Variants in ATP2C1 observed in about 807,000 individuals in gnomAD.
ATP2C1 encodes the protein calcium-transporting ATPase type 2C member 1.
Under a neutral mutation model 120.5 loss-of-function variants are expected in ATP2C1, and 31 were observed. The observed-to-expected ratio is 0.26, with a 90% CI of 0.19 to 0.35. The LOEUF is 0.35. Among genes scored for constraint, ATP2C1 ranks in the 10% least tolerant of loss-of-function variants. The probability of loss-of-function intolerance (pLI) is 1.00; values close to 1 mark genes in which losing one functional copy is unlikely to be tolerated. For missense variants in ATP2C1, 731 were observed against 1,107.5 expected, an observed-to-expected ratio of 0.66 and a Z score of 4.83; for synonymous variants, 351 against 358.7, an observed-to-expected ratio of 0.98 and a Z score of 0.24.
At chr3:130,972,695 A>G (rs536761457) in intron 17 of ATP2C1, among the ~76,000 whole-genome samples, 21 of 137,904 alleles carry the variant, frequency 1.5e-4, no homozygotes, top group African/African-American at 5.5e-4. Context: ...CTTCTCATCT[A>G]TGAGTGAGAA....
intron 17 of ATP2C1, 38 bp downstream of exon 17, chr3:130,969,434 G>A (rs1254083654): frequency 6.6e-7 from 1 of 1,511,038 alleles, no homozygotes; most frequent in East Asian, 2.3e-5. Context: ...TTCCTGTTTA[G>A]CTTAGATGAC....
chr3:130,869,116 G>C (rs2107762647), intron 1 of ATP2C1: 2 of 143,916 alleles, frequency 1.4e-5, no homozygotes, highest in African/African-American at 5.5e-5. Context: ...CTGTTGATCT[G>C]TGACCTTATC....
intron 26 of ATP2C1, among the ~76,000 whole-genome samples, chr3:131,013,598 T>C (rs899814913): frequency 1.3e-5 from 2 of 152,216 alleles, no homozygotes; most frequent in African/African-American, 2.4e-5. Flanking sequence ...AGTACTTACT[T>C]TTAGTAGAGA....
chr3:130,861,034 C>T (rs1375593075), intron 1 of ATP2C1, among the ~76,000 whole-genome samples: 2 of 152,160 alleles, frequency 1.3e-5, no homozygotes, highest in Non-Finnish European at 2.9e-5. Context: ...CTTTGAGAGG[C>T]TGAGGTGGGT....
intron 2 of ATP2C1, among the ~76,000 whole-genome samples, chr3:130,901,791 G>A (rs192914746): frequency 2.8e-4 from 42 of 152,112 alleles, no homozygotes; most frequent in Admixed American, 2.3e-3. Context: ...ACTCTGGGAC[G>A]TACCTACTGT....
chr3:130,919,138 C>G (rs919528334), intron 2 of ATP2C1: 1 of 315,698 alleles, frequency 3.2e-6, no homozygotes, highest in African/African-American at 2.3e-5. Context: ...GAGGCAGGAG[C>G]ACGCATCACA....
intron 2 of ATP2C1, among the ~76,000 whole-genome samples, chr3:130,925,087 C>G (rs182000520): frequency 1.3e-5 from 2 of 151,730 alleles, no homozygotes; most frequent in African/African-American, 2.4e-5. Context: ...TCAGAGAGTT[C>G]GTCTTTGTTC....
chr3:130,905,115 A>G (rs906858485), intron 2 of ATP2C1, among the ~76,000 whole-genome samples: 1 of 151,954 alleles, frequency 6.6e-6, no homozygotes, highest in African/African-American at 2.4e-5. Flanking sequence ...CAGGGAGCTG[A>G]GTTCATTTTA....
intron 2 of ATP2C1, chr3:130,918,469 G>A (rs1226909395): frequency 1.9e-5 from 16 of 823,728 alleles, no homozygotes; most frequent in Admixed American, 6.8e-5. Context: ...CTGTATTTCT[G>A]AGCAAATTTA....
At chr3:130,922,050 A>C (rs1019657955) in intron 2 of ATP2C1, among the ~76,000 whole-genome samples, 6 of 152,142 alleles carry the variant, frequency 3.9e-5, no homozygotes. Context: ...AATTTCTTTG[A>C]ATGTCTGAAA....
In ATP2C1 at chr3:130,998,330, A is replaced by G. The variant is rs766202774; in HGVS notation, c.2428A>G (p.Met810Val). The change falls in exon 26 of 28, where the codon ATG becomes GTG. Residue 810 changes from methionine (M) to valine (V), a missense_variant. By Grantham distance (21) the Met-to-Val change is conservative. Around this residue, in one of 3 missense-constraint regions of ATP2C1, gnomAD observed 141 missense variants for 201.6 expected, o/e 0.70. Coordinates refer to ENST00000510168, the MANE Select transcript of ATP2C1 (RefSeq NM_001378687.1). ...DNVITPRDTTMTFTCFVFFDM... is the reference protein window; with the variant it reads ...DNVITPRDTTVTFTCFVFFDM... Reference sequence around the variant, plus strand: ...TGTGATTACACCTCGAGACACAACAATGACCTTCACATGCTTTGTGTTTTT... The same window carrying G: ...TGTGATTACACCTCGAGACACAACAGTGACCTTCACATGCTTTGTGTTTTT... 16 of 1,612,982 alleles carry G rather than the reference A, an allele frequency of 9.9e-6. No homozygotes were observed. The highest frequency in any genetic ancestry group is 6.6e-5 in the South Asian group (6 of 91,074).
At chr3:130,965,907 A>G (rs1200771957) in intron 14 of ATP2C1, among the ~76,000 whole-genome samples, 1 of 152,082 alleles carries the variant, frequency 6.6e-6, no homozygotes, top group Non-Finnish European at 1.5e-5. Context: ...TACTCGATAA[A>G]TGAATGAATG....
At chr3:130,850,737 G>A in exon 1 of ATP2C1, 1 of 585,264 alleles carries the variant, frequency 1.7e-6, no homozygotes, top group Non-Finnish European at 2.8e-6. Context: ...CAAATCTTTA[G>A]GCATCTGAGG....
chr3:130,944,706 A>G (rs1456028389), intron 8 of ATP2C1, among the ~76,000 whole-genome samples: 1 of 152,236 alleles, frequency 6.6e-6, no homozygotes. Flanking sequence ...TTAAAGACTA[A>G]TATTAATAAC....
intron 20 of ATP2C1, among the ~76,000 whole-genome samples, chr3:130,991,180 G>A (rs2062323790): frequency 6.6e-6 from 1 of 152,132 alleles, no homozygotes; most frequent in African/African-American, 2.4e-5. Context: ...AAGAGGAACA[G>A]CCAAAAAGGT....
At chr3:130,913,613 T>C (rs2058547268) in intron 2 of ATP2C1, among the ~76,000 whole-genome samples, 1 of 151,412 alleles carries the variant, frequency 6.6e-6, no homozygotes, top group Non-Finnish European at 1.5e-5. Context: ...TTATTTAAGA[T>C]TTTTTTGGTG....
chr3:130,980,547 T>A lies in ATP2C1; in HGVS notation c.1742-35T>A, dbSNP rs759526418. The A allele has an allele frequency of 3.1e-5, 47 of 1,511,792 alleles. 1 individual carries two copies. Among genetic ancestry groups the A allele is most frequent in the Admixed American group, 2.7e-4 (16 of 59,704 alleles). The allele number at this position is 1,511,792 out of a possible 1,614,324, so 93.6% of individuals were successfully genotyped here. A position where few individuals can be genotyped will look rare whatever the true frequency, so the allele number is the denominator to read the frequency against. On this transcript the variant is annotated intron_variant, in intron 19 of 27. Coordinates refer to ENST00000510168, the MANE Select transcript of ATP2C1 (RefSeq NM_001378687.1). ...GACTAGCCTGTCAAGCAAAAACAAT[T>A]TGGTTTATTACATTTTCTCTCTCAT...
At chr3:130,976,605 C>A (rs2061537581) in intron 18 of ATP2C1, among the ~76,000 whole-genome samples, 2 of 152,176 alleles carry the variant, frequency 1.3e-5, no homozygotes, top group Admixed American at 6.6e-5. Context: ...TTCCCCCTTT[C>A]CCCTTTTAAT....
At chr3:130,902,735 C>G (rs1335155344) in intron 2 of ATP2C1, among the ~76,000 whole-genome samples, 1 of 151,816 alleles carries the variant, frequency 6.6e-6, no homozygotes, top group Non-Finnish European at 1.5e-5. Flanking sequence ...CAGAACTCTT[C>G]CTTAGATTTC....
Sources: allele counts gnomAD v4.1 joint callset (sites outside exome capture counted in the v4.1 genomes callset), GRCh38; gene constraint gnomAD v4.1.1; regional missense constraint gnomAD v4.1.1; transcripts MANE v1.5; gene names NCBI Gene and HGNC (gene_info 2026-07-23, HGNC 2026-07-21).